Variants in CHN2 observed in about 807,000 individuals in gnomAD.
CHN2 encodes chimerin 2, also known as beta-chimaerin.
CHN2 carries 35 observed loss-of-function variants against 56.3 expected under a neutral mutation model. The observed-to-expected ratio is 0.62, with a 90% CI of 0.47 to 0.82. The LOEUF (loss-of-function observed/expected upper bound fraction) is 0.82, where lower values mean the gene tolerates loss of function less well. Ranked by LOEUF, CHN2 falls within the 40% of genes least tolerant of loss-of-function variation. The pLI, the probability that CHN2 is intolerant of heterozygous loss-of-function variation, is 0.00. For synonymous variants in CHN2, 210 were observed against 212.8 expected, an observed-to-expected ratio of 0.99 and a Z score of 0.12; for missense variants, 491 against 580.5, an observed-to-expected ratio of 0.85 and a Z score of 1.58.
chr7:29,206,867 T>C (rs1167614867), intron 1 of CHN2, among the ~76,000 whole-genome samples: 1 of 152,132 alleles, frequency 6.6e-6, no homozygotes, highest in Non-Finnish European at 1.5e-5. Context: ...ACTATATGAT[T>C]CCACGCATAT....
At chr7:29,350,476 G>T (rs1797798114) in intron 1 of CHN2, among the ~76,000 whole-genome samples, 1 of 152,070 alleles carries the variant, frequency 6.6e-6, no homozygotes, top group Non-Finnish European at 1.5e-5. Flanking sequence ...GTGCTTTAGT[G>T]GTTTGTGAAA....
At chr7:29,238,869 C>T (rs938636649) in intron 1 of CHN2, among the ~76,000 whole-genome samples, 2 of 152,134 alleles carry the variant, frequency 1.3e-5, no homozygotes, top group African/African-American at 2.4e-5. Context: ...GCAAGAGAGC[C>T]AGAGTGGCTG....
At chr7:29,477,772 G>A (rs1026309406) in intron 6 of CHN2, among the ~76,000 whole-genome samples, 5 of 152,364 alleles carry the variant, frequency 3.3e-5, no homozygotes, top group African/African-American at 1.2e-4. Context: ...CCTTGTCTTT[G>A]GAAGCTGAGG....
At chr7:29,336,405 T>G (rs981805140) in intron 1 of CHN2, among the ~76,000 whole-genome samples, 1 of 151,696 alleles carries the variant, frequency 6.6e-6, no homozygotes, top group Non-Finnish European at 1.5e-5. Flanking sequence ...AGCCCAGGAG[T>G]TCAAGTGCAG....
chr7:29,156,554 C>T (rs975150224), intron 2 of CHN2, among the ~76,000 whole-genome samples: 1 of 152,168 alleles, frequency 6.6e-6, no homozygotes, highest in Non-Finnish European at 1.5e-5. Flanking sequence ...TGCCCTGAGG[C>T]ATCTGAAGGA....
rs1783902098 is a variant in CHN2 at position 29,444,579 on chromosome 7, T to G, written c.577-35700T>G. On this transcript the variant is annotated intron_variant, in intron 6 of 12. Coordinates refer to ENST00000222792, the MANE Select transcript of CHN2 (RefSeq NM_004067.4). ...CGTGACTTCTGTTTCCAGCAGCAGT[T>G]CAACTTCTCTACAAAATGACTCAAG... Among the ~76,000 whole-genome samples, 11 of 152,370 alleles carry G rather than the reference T, an allele frequency of 7.2e-5. No homozygotes were observed. The South Asian group carries it at 2.3e-3, about 32-fold the overall frequency.
rs11974802 is a variant in CHN2 at position 29,180,196 on chromosome 7, A to T, written c.274+33236A>T. ...AACATTTTAATAATATTGTGAATCA[A>T]ATTTAGAATATTTTTAAAATGTGAT... On this transcript the variant is annotated intron_variant, in intron 2 of 6. Transcript: ENST00000439384. Among the ~76,000 whole-genome samples, 4 of 152,122 alleles carry T rather than the reference A, an allele frequency of 2.6e-5. No homozygotes were observed. In the East Asian group the frequency reaches 7.7e-4, roughly 29 times the overall value.
chr7:29,456,563 A>G (rs1032741376), intron 6 of CHN2, among the ~76,000 whole-genome samples: 1 of 151,812 alleles, frequency 6.6e-6, no homozygotes, highest in Non-Finnish European at 1.5e-5. Context: ...GAATGTCCCC[A>G]AGGCATACTC....
Position 29,292,303 on chromosome 7 carries a change from TC to T in CHN2, c.50-62320del, listed in dbSNP as rs1209145252. ...AAAATACTTAGGGAAGCTGGAGTGC[TC>T]CGAGACAACCTTTCAATCCATTTAC... On this transcript the variant is annotated intron_variant, in intron 1 of 12. Coordinates refer to ENST00000222792, the MANE Select transcript of CHN2 (RefSeq NM_004067.4). Among the ~76,000 whole-genome samples, 3 of 152,320 alleles carry T rather than the reference TC, an allele frequency of 2.0e-5. No homozygotes were observed. The East Asian group carries it at 5.8e-4, about 29-fold the overall frequency.
chr7:29,363,397 A>G (rs1407942126), intron 2 of CHN2, among the ~76,000 whole-genome samples: 3 of 152,226 alleles, frequency 2.0e-5, no homozygotes, highest in African/African-American at 7.2e-5. Flanking sequence ...AAGCAGGAGA[A>G]TTGCTTGAAT....
Position 29,252,313 on chromosome 7 carries a change from C to T in CHN2, c.49+57323C>T, listed in dbSNP as rs374726808. ...ACGAGATTCTTCTGCCTCAGCCTCC[C>T]GAGTAGCTGGGACTACAGGCACCCG... On this transcript the variant is annotated intron_variant, in intron 1 of 12. Transcript: ENST00000222792. Among the ~76,000 whole-genome samples, 61 of 151,280 alleles carry T rather than the reference C, an allele frequency of 4.0e-4. 1 individual carries two copies. In the East Asian group the frequency reaches 9.6e-3, roughly 24 times the overall value.
intron 9 of CHN2, among the ~76,000 whole-genome samples, chr7:29,503,413 C>A (rs1018331076): frequency 3.9e-5 from 6 of 152,184 alleles, no homozygotes; most frequent in African/African-American, 1.4e-4. Flanking sequence ...GTCTGTGCCT[C>A]TGTGGCAGTG....
At chr7:29,423,728 C>T (rs577742622) in intron 6 of CHN2, among the ~76,000 whole-genome samples, 198 of 152,326 alleles carry the variant, frequency 1.3e-3, no homozygotes, top group African/African-American at 4.5e-3. Flanking sequence ...GTAAATTCAG[C>T]CAGTTCAGGG....
In CHN2 at chr7:29,357,561, T is replaced by C. The variant is rs574439824; in HGVS notation, c.88+2898T>C. Among the ~76,000 whole-genome samples, 6 of 152,348 alleles carry C rather than the reference T, an allele frequency of 3.9e-5. No individual in the cohort carries two copies. In the South Asian group the frequency reaches 8.3e-4, roughly 21 times the overall value. The stretch of plus-strand genomic sequence containing the variant: ...TGTTAGAAATCAACAATGAATAAAA[T>C]GTGGCTTATACTTCCCTCCAATGTA... On this transcript the variant is annotated intron_variant, in intron 2 of 12. Transcript: ENST00000222792.
chr7:29,278,942 G>A (rs1002897904), intron 1 of CHN2, among the ~76,000 whole-genome samples: 3 of 151,848 alleles, frequency 2.0e-5, no homozygotes, highest in Non-Finnish European at 2.9e-5. Flanking sequence ...TCCCCTTGCT[G>A]CCTCCCCCCA....
At chr7:29,447,417 A>C (rs922805921) in intron 6 of CHN2, among the ~76,000 whole-genome samples, 7 of 152,206 alleles carry the variant, frequency 4.6e-5, no homozygotes, top group Non-Finnish European at 8.8e-5. Flanking sequence ...TTTTTTTAAA[A>C]ACAAAAACAT....
At chr7:29,420,872 C>T (rs563719411) in intron 6 of CHN2, among the ~76,000 whole-genome samples, 2 of 150,552 alleles carry the variant, frequency 1.3e-5, no homozygotes, top group African/African-American at 4.9e-5. Context: ...TACAGTGGTG[C>T]CATCTTGGCT....
chr7:29,279,384 A>G (rs1383361844), intron 1 of CHN2, among the ~76,000 whole-genome samples: 2 of 152,266 alleles, frequency 1.3e-5, no homozygotes, highest in Non-Finnish European at 2.9e-5. Context: ...GTGGCACTTT[A>G]GATATTAACA....
chr7:29,346,467 G>A (rs10235402), intron 1 of CHN2, among the ~76,000 whole-genome samples: 36,496 of 152,124 alleles, frequency 0.24, 4,857 homozygotes, highest in Non-Finnish European at 0.3. Flanking sequence ...TTCCCTGGAA[G>A]AAGCCTACTG....
Sources: allele counts gnomAD v4.1 joint callset (sites outside exome capture counted in the v4.1 genomes callset), GRCh38; gene constraint gnomAD v4.1.1; transcripts MANE v1.5; gene names NCBI Gene and HGNC (gene_info 2026-07-23, HGNC 2026-07-21).